The following AGBL3 variants were observed in gnomAD, a reference collection of about 807,000 sequenced individuals.
AGBL3 encodes AGBL carboxypeptidase 3, also known as cytosolic carboxypeptidase 3.
A neutral mutation model predicts 94.5 loss-of-function variants in AGBL3; 68 were observed. The ratio of observed to expected loss-of-function variants is 0.72; its 90% CI spans 0.59 to 0.88. The LOEUF is 0.88. Ranked by LOEUF, AGBL3 falls within the 40% of genes least tolerant of loss-of-function variation. The pLI, the probability that AGBL3 is intolerant of heterozygous loss-of-function variation, is 0.00. For synonymous variants in AGBL3, 354 were observed against 370.7 expected, an observed-to-expected ratio of 0.95 and a Z score of 0.52; for missense variants, 934 against 1,103.8, an observed-to-expected ratio of 0.85 and a Z score of 2.18.
chr7:135,084,733 C>T (rs780267308), intron 15 of AGBL3, among the ~76,000 whole-genome samples: 5 of 151,984 alleles, frequency 3.3e-5, no homozygotes, highest in Non-Finnish European at 4.4e-5. Flanking sequence ...TTTTCTTTAT[C>T]ATTTCATCTG....
intron 12 of AGBL3, among the ~76,000 whole-genome samples, chr7:135,066,674 T>C (rs957540143): frequency 1.3e-5 from 2 of 152,236 alleles, no homozygotes; most frequent in Non-Finnish European, 2.9e-5. Context: ...CCCATGTTTA[T>C]TGCAGTACTA....
intron 4 of AGBL3, among the ~76,000 whole-genome samples, chr7:135,014,556 C>A (rs999490256): frequency 6.6e-6 from 1 of 152,194 alleles, no homozygotes; most frequent in Non-Finnish European, 1.5e-5. Context: ...TCCTTACCAA[C>A]TACTTAGGCT....
At position 135,000,931 on chromosome 7, in the gene AGBL3, C is replaced by G. The variant is rs538763686; in HGVS notation, c.310+7253C>G. 5.9e-5 allele frequency among the ~76,000 whole-genome samples: 9 copies of G among 152,300 alleles called. No individual in the cohort carries two copies. The South Asian group carries it at 1.9e-3, about 32-fold the overall frequency. ...ACACGTCATTGATTAAAGGTGTACT[C>G]TATTTTTGTGCACCAGGTATTCTAT... On this transcript the variant is annotated intron_variant, in intron 4 of 16. Transcript: ENST00000436302.
chr7:135,086,705 T>C (rs1821358632), intron 15 of AGBL3, among the ~76,000 whole-genome samples: 1 of 152,006 alleles, frequency 6.6e-6, no homozygotes, highest in Admixed American at 6.6e-5. Flanking sequence ...GGTGAATAAT[T>C]TTTTTCAATG....
chr7:135,094,415 A>C, intron 15 of AGBL3: 1 of 456,684 alleles, frequency 2.2e-6, no homozygotes, highest in Non-Finnish European at 4.4e-6. Flanking sequence ...AACTGGTAGG[A>C]ACACTTAAAC....
intron 16 of AGBL3, chr7:135,129,367 C>T: frequency 1.1e-6 from 1 of 891,726 alleles, no homozygotes; most frequent in Non-Finnish European, 1.9e-6. Context: ...TACCTGCAAG[C>T]AGATAAGGCC....
chr7:135,031,257 A>T (rs1815712782), intron 5 of AGBL3, among the ~76,000 whole-genome samples: 1 of 151,408 alleles, frequency 6.6e-6, no homozygotes, highest in African/African-American at 2.4e-5. Flanking sequence ...ATATTCTTTT[A>T]TTTATTTATT....
chr7:135,009,748 T>C (rs1043434304), intron 4 of AGBL3, among the ~76,000 whole-genome samples: 4 of 152,238 alleles, frequency 2.6e-5, no homozygotes, highest in African/African-American at 4.8e-5. Context: ...AACCCACTTA[T>C]ATCTGCAGCC....
intron 15 of AGBL3, among the ~76,000 whole-genome samples, chr7:135,089,008 ATATT>A (rs1309723382): frequency 6.6e-6 from 1 of 151,092 alleles, no homozygotes; most frequent in Non-Finnish European, 1.5e-5. Flanking sequence ...CATGATATGA[ATATT>A]TGTTTGCTTA....
chr7:135,040,214 A>G lies in AGBL3; in HGVS notation c.1500+2634A>G, dbSNP rs148266646. 4.8e-4 allele frequency among the ~76,000 whole-genome samples: 73 copies of G among 152,320 alleles called. No individual in the cohort carries two copies. In the East Asian group the frequency reaches 0.013, roughly 26 times the overall value. On this transcript the variant is annotated intron_variant, in intron 8 of 16. Coordinates refer to ENST00000436302, the MANE Select transcript of AGBL3 (RefSeq NM_178563.4). ...ATTTCAAAAAGAAACTCCAGAAAAC[A>G]AATATCAAGATCCAGTTGGATTCAC... is the stretch of plus-strand genomic sequence containing the variant.
At chr7:135,041,926 T>A (rs940169544) in intron 8 of AGBL3, among the ~76,000 whole-genome samples, 17 of 152,118 alleles carry the variant, frequency 1.1e-4, no homozygotes, top group African/African-American at 4.1e-4. Flanking sequence ...TGAAAAGATG[T>A]TTGACATCAG....
intron 16 of AGBL3, among the ~76,000 whole-genome samples, chr7:135,119,716 A>C (rs2117229627): frequency 6.6e-6 from 1 of 152,204 alleles, no homozygotes; most frequent in Admixed American, 6.5e-5. Context: ...TCTCTACTAA[A>C]AATACAAAAA....
intron 4 of AGBL3, among the ~76,000 whole-genome samples, chr7:135,000,963 T>C (rs1384714492): frequency 6.6e-6 from 1 of 152,184 alleles, no homozygotes; most frequent in Non-Finnish European, 1.5e-5. Context: ...CTATACTATT[T>C]CCAACTAAAA....
chr7:135,078,693 T>C (rs1281890098), intron 13 of AGBL3, among the ~76,000 whole-genome samples: 1 of 152,244 alleles, frequency 6.6e-6, no homozygotes, highest in African/African-American at 2.4e-5. Context: ...AATCATTATA[T>C]TTAATGTTAG....
intron 8 of AGBL3, among the ~76,000 whole-genome samples, chr7:135,041,215 AAC>A (rs1584920983): frequency 6.6e-6 from 1 of 152,218 alleles, no homozygotes; most frequent in Non-Finnish European, 1.5e-5. Flanking sequence ...CTGTAGATTT[AAC>A]AGAGTTTCAG....
At chr7:135,114,816 A>G (rs1278411438) in intron 15 of AGBL3, among the ~76,000 whole-genome samples, 1 of 152,140 alleles carries the variant, frequency 6.6e-6, no homozygotes, top group Non-Finnish European at 1.5e-5. Flanking sequence ...CAAATCTCAG[A>G]CTGACACTCC....
At chr7:134,999,365 G>A (rs1006389899) in intron 4 of AGBL3, among the ~76,000 whole-genome samples, 6 of 152,172 alleles carry the variant, frequency 3.9e-5, no homozygotes, top group Non-Finnish European at 8.8e-5. Context: ...TGCTCCCCAG[G>A]AAATCTGCCC....
At chr7:135,085,507 T>G (rs922907634) in intron 15 of AGBL3, among the ~76,000 whole-genome samples, 1 of 152,102 alleles carries the variant, frequency 6.6e-6, no homozygotes, top group Admixed American at 6.6e-5. Flanking sequence ...TCTTAGTCCA[T>G]TTTGAATTGA....
intron 4 of AGBL3, among the ~76,000 whole-genome samples, chr7:135,003,879 TAC>T (rs1307809820): frequency 6.6e-6 from 1 of 151,476 alleles, no homozygotes; most frequent in Non-Finnish European, 1.5e-5. Context: ...GTTCCAATTA[TAC>T]AGTTATCCTG....
Sources: gnomAD v4.1 joint callset for allele counts (sites outside exome capture counted in the v4.1 genomes callset) on GRCh38, gnomAD v4.1.1 for gene constraint, MANE v1.5 for transcripts, NCBI Gene and HGNC (gene_info 2026-07-23, HGNC 2026-07-21) for gene names.